OSBPL8: variants seen among roughly 807,000 people sequenced by gnomAD.
OSBPL8 encodes the protein oxysterol-binding protein-related protein 8.
OSBPL8 carries 59 observed loss-of-function variants against 125.5 expected under a neutral mutation model. The observed-to-expected ratio is 0.47, with a 90% confidence interval of 0.38 to 0.58. OSBPL8 has a LOEUF of 0.58. Among genes scored for constraint, OSBPL8 ranks in the 20% least tolerant of loss-of-function variants. The probability of loss-of-function intolerance (pLI) is 0.00; values close to 1 mark genes in which losing one functional copy is unlikely to be tolerated. For missense variants in OSBPL8, 758 were observed against 1,047.8 expected (o/e 0.72, Z 3.82); for synonymous variants, 330 against 338.9 (o/e 0.97, Z 0.29).
At position 76,467,124 on chromosome 12, in the gene OSBPL8, TTATG is replaced by T. The variant is rs1346993130; in HGVS notation, c.43-7233_43-7230del. Reference sequence around the variant, plus strand: ...CTTTAAATGTATGTATCAGTCTTCTTTATGTATGTATCAGTCTTCTCATGTAAGC... The same window carrying T: ...CTTTAAATGTATGTATCAGTCTTCTTTATGTATCAGTCTTCTCATGTAAGC... On this transcript the variant is annotated intron_variant, in intron 2 of 23. Transcript: ENST00000261183. Among the ~76,000 whole-genome samples, 3 of 151,464 alleles carry T rather than the reference TTATG, an allele frequency of 2.0e-5. No homozygotes were observed. In the East Asian group the frequency reaches 5.8e-4, roughly 29 times the overall value.
At chr12:76,418,810 G>A (rs954156406) in intron 4 of OSBPL8, among the ~76,000 whole-genome samples, 2 of 152,092 alleles carry the variant, frequency 1.3e-5, no homozygotes, top group Admixed American at 1.3e-4. Flanking sequence ...TCCAGCCTGG[G>A]CGACAGAGTG....
chr12:76,399,760 A>C (rs1953971604), intron 7 of OSBPL8, 113 bp downstream of exon 7: 1 of 658,614 alleles, frequency 1.5e-6, no homozygotes, highest in East Asian at 2.9e-5. Context: ...CCAGTGAAAA[A>C]CAATCATTTT....
chr12:76,534,881 C>T (rs1950447408), intron 1 of OSBPL8, among the ~76,000 whole-genome samples: 1 of 151,916 alleles, frequency 6.6e-6, no homozygotes. Flanking sequence ...AACAAAACTG[C>T]CAAGGAAACC....
chr12:76,541,620 C>T (rs1950647787), intron 1 of OSBPL8, among the ~76,000 whole-genome samples: 1 of 152,070 alleles, frequency 6.6e-6, no homozygotes, highest in Admixed American at 6.6e-5. Context: ...TTTGGGATAC[C>T]AAGGTGGGCA....
chr12:76,440,328 C>A (rs925176303), intron 4 of OSBPL8, among the ~76,000 whole-genome samples: 3 of 152,094 alleles, frequency 2.0e-5, no homozygotes, highest in Admixed American at 2.0e-4. Context: ...TCCCCGCCAG[C>A]ATCTGGTGGT....
intron 5 of OSBPL8, among the ~76,000 whole-genome samples, chr12:76,408,660 C>T (rs1404343196): frequency 2.6e-5 from 4 of 151,936 alleles, no homozygotes; most frequent in Non-Finnish European, 5.9e-5. Context: ...GGTTACTGGG[C>T]ATTTAAGGTG....
At chr12:76,386,739 G>A in intron 12 of OSBPL8, 79 bp from the exon 13 acceptor site, 1 of 927,146 alleles carries the variant, frequency 1.1e-6, no homozygotes, top group South Asian at 1.7e-5. Flanking sequence ...CAATAACCGA[G>A]TATGAAACAT....
chr12:76,490,518 G>A (rs1055928601), intron 1 of OSBPL8, among the ~76,000 whole-genome samples: 20 of 152,198 alleles, frequency 1.3e-4, no homozygotes, highest in Admixed American at 6.5e-4. Flanking sequence ...AGAAGAATCC[G>A]GTCGGAGAAG....
intron 1 of OSBPL8, among the ~76,000 whole-genome samples, chr12:76,510,558 T>C (rs562623014): frequency 4.6e-5 from 7 of 152,198 alleles, no homozygotes; most frequent in Non-Finnish European, 1.0e-4. Context: ...GTTATATGTC[T>C]TTTGCAGGGC....
intron 4 of OSBPL8, 105 bp downstream of exon 4, chr12:76,450,746 T>C: frequency 8.2e-7 from 1 of 1,214,486 alleles, no homozygotes; most frequent in South Asian, 1.7e-5. Flanking sequence ...AACCAAATAG[T>C]TAAAAAGAAA....
At chr12:76,439,179 C>T (rs1298242237) in intron 4 of OSBPL8, among the ~76,000 whole-genome samples, 1 of 151,924 alleles carries the variant, frequency 6.6e-6, no homozygotes, top group Admixed American at 6.6e-5. Context: ...AGGAGTTCGA[C>T]ACCAGCCTGG....
chr12:76,439,691 T>C (rs1277922438), intron 4 of OSBPL8, among the ~76,000 whole-genome samples: 1 of 152,182 alleles, frequency 6.6e-6, no homozygotes. Flanking sequence ...ATTATAAAAA[T>C]CACTAGTATT....
intron 3 of OSBPL8, among the ~76,000 whole-genome samples, chr12:76,457,020 C>T (rs969805735): frequency 6.6e-6 from 1 of 152,112 alleles, no homozygotes; most frequent in African/African-American, 2.4e-5. Flanking sequence ...ACATGGGTCC[C>T]ATAGCGTTAT....
Position 76,487,587 on chromosome 12 carries a change from T to C in OSBPL8, c.-36A>G. 6.4e-7 allele frequency: 1 copy of C among 1,557,118 alleles called. No homozygotes were observed. The highest frequency in any genetic ancestry group is 8.7e-7 in the Non-Finnish European group (1 of 1,151,078). ...GATAGGTTTATGCTTCTCTTTCCAT[T>C]AATGTGCAGCCATTCTGTAAATCTG... On this transcript the variant is annotated 5_prime_UTR_variant, in exon 2 of 24. The change abolishes the stop of an existing upstream ORF in the 5' untranslated region. Coordinates refer to ENST00000261183, the MANE Select transcript of OSBPL8 (RefSeq NM_020841.5).
At chr12:76,391,427 A>G (rs187925586) in intron 10 of OSBPL8, among the ~76,000 whole-genome samples, 43 of 152,210 alleles carry the variant, frequency 2.8e-4, no homozygotes, top group African/African-American at 9.9e-4. Flanking sequence ...ATTCCATCCT[A>G]TCTCATTCGG....
intron 5 of OSBPL8, among the ~76,000 whole-genome samples, chr12:76,409,809 T>C (rs1004113673): frequency 6.6e-6 from 1 of 152,150 alleles, no homozygotes; most frequent in African/African-American, 2.4e-5. Context: ...AAAATGTGGG[T>C]TGTAAGAGCA....
intron 1 of OSBPL8, among the ~76,000 whole-genome samples, chr12:76,544,321 G>C (rs1220537025): frequency 6.6e-6 from 1 of 152,122 alleles, no homozygotes; most frequent in African/African-American, 2.4e-5. Flanking sequence ...AGAAAGACTT[G>C]CCACCTTTTC....
At position 76,392,590 on chromosome 12, in the gene OSBPL8, T is replaced by C. The variant is rs760880800; in HGVS notation, c.920A>G (p.Asp307Gly). Residue 307 changes from aspartate (D) to glycine (G), a missense_variant, in exon 10 of 24, where the codon GAT becomes GGT. By Grantham distance (94) the Asp-to-Gly change is moderately conservative (BLOSUM62 -1). Around this residue, in one of 3 missense-constraint regions of OSBPL8, gnomAD observed 572 missense variants for 762.0 expected, o/e 0.75. Transcript: ENST00000261183. ...LLRANNLHSG[D>G]NFQLNDSEIE... ...GGCAGTATCTACTTACTGGAAGTTA[T>C]CACCACTGTGGAGATTGTTAGCACG... 45 of 1,606,268 alleles carry C rather than the reference T, an allele frequency of 2.8e-5. No individual in the cohort carries two copies. The highest frequency in any genetic ancestry group is 1.4e-5 in the Non-Finnish European group (16 of 1,174,376).
At chr12:76,436,281 T>A (rs1396937818) in intron 4 of OSBPL8, among the ~76,000 whole-genome samples, 4 of 152,156 alleles carry the variant, frequency 2.6e-5, no homozygotes, top group African/African-American at 9.7e-5. Context: ...CCTAACATTG[T>A]CCTTAAGAAG....
Sources: gnomAD v4.1 joint callset for allele counts (sites outside exome capture counted in the v4.1 genomes callset) on GRCh38, gnomAD v4.1.1 for gene constraint, gnomAD v4.1.1 regional missense constraint, MANE v1.5 for transcripts, NCBI Gene and HGNC (gene_info 2026-07-23, HGNC 2026-07-21) for gene names.